PBX1: variants seen among roughly 807,000 people sequenced by gnomAD.
PBX1 encodes the protein pre-B-cell leukemia transcription factor 1.
A neutral mutation model predicts 53.4 loss-of-function variants in PBX1; 6 were observed. The ratio of observed to expected loss-of-function variants is 0.11; its 90% CI spans 0.06 to 0.22. The LOEUF (loss-of-function observed/expected upper bound fraction) is 0.22. PBX1 is among the 10% of genes least tolerant of loss of function. PBX1 has a pLI of 1.00. For missense variants in PBX1, 251 were observed against 551.4 expected, an observed-to-expected ratio of 0.46 and a Z score of 5.46; for synonymous variants, 204 against 212.3, an observed-to-expected ratio of 0.96 and a Z score of 0.34.
chr1:164,711,119 G>A (rs1663741634), intron 2 of PBX1, among the ~76,000 whole-genome samples: 1 of 152,112 alleles, frequency 6.6e-6, no homozygotes, highest in African/African-American at 2.4e-5. Context: ...TTTGAGGGGG[G>A]AAAATACATC....
At chr1:164,868,544 G>A (rs766605349) in intron 2 of PBX1, among the ~76,000 whole-genome samples, 6 of 152,216 alleles carry the variant, frequency 3.9e-5, no homozygotes, top group Non-Finnish European at 8.8e-5. Context: ...TCCAAGGGAT[G>A]GGTGAGACAA....
chr1:164,597,032 T>G (rs947713977), intron 2 of PBX1, among the ~76,000 whole-genome samples: 1 of 152,186 alleles, frequency 6.6e-6, no homozygotes, highest in African/African-American at 2.4e-5. Context: ...TCTGTCTTTA[T>G]TTGGGTTGGA....
At chr1:164,650,962 GA>G (rs35284541) in intron 2 of PBX1, among the ~76,000 whole-genome samples, 11,130 of 146,470 alleles carry the variant, frequency 0.076, 504 homozygotes, top group South Asian at 0.14. Context: ...ATGTTGCTCA[GA>G]AAAAAAAAAA....
intron 2 of PBX1, among the ~76,000 whole-genome samples, chr1:164,703,765 A>C (rs781370818): frequency 3.9e-5 from 6 of 152,186 alleles, no homozygotes; most frequent in Non-Finnish European, 8.8e-5. Flanking sequence ...CAGATCTAAG[A>C]GAGGTCAGGA....
intron 8 of PBX1, 61 bp from the exon 9 acceptor site, chr1:164,846,523 G>T: frequency 1.4e-6 from 2 of 1,421,400 alleles, no homozygotes; most frequent in Non-Finnish European, 2.0e-6. Context: ...CATTGTCATT[G>T]TCTGCTGAAA....
At chr1:164,618,896 C>T (rs1172653853) in intron 2 of PBX1, among the ~76,000 whole-genome samples, 1 of 152,162 alleles carries the variant, frequency 6.6e-6, no homozygotes, top group African/African-American at 2.4e-5. Flanking sequence ...TCAAAAGCTA[C>T]CTAATTATGA....
intron 4 of PBX1, among the ~76,000 whole-genome samples, chr1:164,802,762 ACATT>A (rs139103277): frequency 0.22 from 32,724 of 151,666 alleles, 4,270 homozygotes; most frequent in East Asian, 0.31. Flanking sequence ...AAAATTCCAC[ACATT>A]CATTCATTCA....
At chr1:164,737,359 T>C (rs1437122754) in intron 2 of PBX1, among the ~76,000 whole-genome samples, 1 of 152,246 alleles carries the variant, frequency 6.6e-6, no homozygotes, top group East Asian at 1.9e-4. Flanking sequence ...AGTATTGATA[T>C]CCATTGTTTT....
intron 2 of PBX1, chr1:164,682,048 A>G (rs2101998996): frequency 6.6e-6 from 1 of 152,378 alleles, no homozygotes; most frequent in East Asian, 1.9e-4. Context: ...TAAGTACTCT[A>G]TAAAAATGTA....
chr1:164,799,930 C>G (rs374729670), intron 4 of PBX1, 41 bp downstream of exon 4: 23 of 1,560,736 alleles, frequency 1.5e-5, no homozygotes, highest in Non-Finnish European at 2.0e-5. Context: ...TCTGGGAGTC[C>G]CTGATCTGGG....
At chr1:164,625,281 T>TA (rs576519057) in intron 2 of PBX1, among the ~76,000 whole-genome samples, 11 of 152,316 alleles carry the variant, frequency 7.2e-5, no homozygotes, top group African/African-American at 2.6e-4. Context: ...TAAAGACAGT[T>TA]ACAGAGACAA....
chr1:164,678,971 G>A (rs920472802), intron 2 of PBX1, among the ~76,000 whole-genome samples: 1 of 152,064 alleles, frequency 6.6e-6, no homozygotes, highest in Non-Finnish European at 1.5e-5. Flanking sequence ...TACGTGGTGT[G>A]GAAATTATCC....
intron 2 of PBX1, among the ~76,000 whole-genome samples, chr1:164,698,809 A>C (rs1662937485): frequency 1.3e-5 from 2 of 152,190 alleles, no homozygotes; most frequent in Admixed American, 6.5e-5. Flanking sequence ...CACTCTCCTA[A>C]ATACTCTCAA....
At chr1:164,740,148 A>G (rs950020347) in intron 2 of PBX1, among the ~76,000 whole-genome samples, 1 of 152,172 alleles carries the variant, frequency 6.6e-6, no homozygotes, top group African/African-American at 2.4e-5. Flanking sequence ...AACACAGGGA[A>G]GAAAGAGATG....
At chr1:164,695,360 A>AT (rs368942114) in intron 2 of PBX1, among the ~76,000 whole-genome samples, 139 of 152,088 alleles carry the variant, frequency 9.1e-4, no homozygotes, top group African/African-American at 3.1e-3. Context: ...ATTTCTCACC[A>AT]TTTTTTTCTA....
At chr1:164,830,023 A>G (rs1340054772) in intron 8 of PBX1, 1 of 152,192 alleles carries the variant, frequency 6.6e-6, no homozygotes. Context: ...AAGGTAATTT[A>G]AATTTTCAGT....
intron 2 of PBX1, among the ~76,000 whole-genome samples, chr1:164,649,458 G>A (rs550284988): frequency 1.3e-4 from 20 of 152,238 alleles, no homozygotes; most frequent in South Asian, 2.1e-4. Flanking sequence ...TGACAAAACT[G>A]TCATCCTCCC....
At chr1:164,783,188 G>A (rs1025861451) in intron 2 of PBX1, among the ~76,000 whole-genome samples, 1 of 152,178 alleles carries the variant, frequency 6.6e-6, no homozygotes, top group Non-Finnish European at 1.5e-5. Context: ...CATCTCCTCT[G>A]AGTGAAGACT....
At chr1:164,708,896 C>T (rs1663594648) in intron 2 of PBX1, among the ~76,000 whole-genome samples, 1 of 152,216 alleles carries the variant, frequency 6.6e-6, no homozygotes. Flanking sequence ...TGCACTGAAT[C>T]TGTTTCTTCA....
Sources: allele counts gnomAD v4.1 joint callset (sites outside exome capture counted in the v4.1 genomes callset), GRCh38; gene constraint gnomAD v4.1.1; transcripts MANE v1.5; gene names NCBI Gene and HGNC (gene_info 2026-07-23, HGNC 2026-07-21).